C2CD4C: variants seen among roughly 807,000 people sequenced by gnomAD.
The protein encoded by C2CD4C is C2 calcium dependent domain containing 4C, also known as C2 calcium-dependent domain-containing protein 4C.
In C2CD4C, 3 loss-of-function variants were observed where a neutral mutation model predicts 4.1. The ratio of observed to expected loss-of-function variants is 0.73; its 90% CI spans 0.33 to 1.88. The LOEUF is 1.88. Ranked by LOEUF, C2CD4C falls within the 40% of genes most tolerant of loss-of-function variation. The probability of loss-of-function intolerance (pLI) is 0.08; values close to 1 mark genes in which losing one functional copy is unlikely to be tolerated. For missense variants in C2CD4C, 664 were observed against 621.5 expected, an observed-to-expected ratio of 1.07 and a Z score of -0.73; for synonymous variants, 364 against 290.4, an observed-to-expected ratio of 1.25 and a Z score of -2.57.
In C2CD4C at chr19:407,568, G is replaced by T; in HGVS notation, c.794C>A (p.Ala265Glu). 1 of 1,417,984 alleles carries T rather than the reference G, an allele frequency of 7.1e-7. No individual in the cohort carries two copies. Among genetic ancestry groups the T allele is most frequent in the Non-Finnish European group, 9.2e-7 (1 of 1,085,626 alleles). The allele number at this position is 1,417,984 out of a possible 1,614,324, so 87.8% of individuals were successfully genotyped here. ...HSVGRHGSLSADDSTPDASPG... is the reference protein window; with the variant it reads ...HSVGRHGSLSEDDSTPDASPG... ...GCTGGCGTCCGGGGTGCTGTCGTCC[G>T]CAGACAGGGAGCCGTGGCGGCCCAC... The change falls in exon 2 of 2, where the codon GCG becomes GAG. Residue 265 changes from alanine to glutamate, a missense_variant. By Grantham distance (107) the Ala-to-Glu change is moderately radical. Coordinates refer to ENST00000332235, the MANE Select transcript of C2CD4C (RefSeq NM_001136263.2).
chr19:406,850 C>T lies in C2CD4C; in HGVS notation c.*246G>A, dbSNP rs537760763. On this transcript the variant is annotated 3_prime_UTR_variant, in exon 2 of 2. Transcript: ENST00000332235. ...TGGCCCCTTCTCTTCCCCCGAGGCC[C>T]CTCTCCTCCTCCTCCTCCTCCTCCA... 4 of 512,424 alleles carry T rather than the reference C, an allele frequency of 7.8e-6. No individual in the cohort carries two copies. The African/African-American group carries it at 8.3e-5, about 11-fold the overall frequency. 31.7% of individuals were successfully genotyped at this position (512,424 alleles called of 1,614,324 possible).
At position 408,345 on chromosome 19, in the gene C2CD4C, ATGT is replaced by A; in HGVS notation, c.14_16del (p.Asn5del). On this transcript the variant is annotated inframe_deletion, in exon 2 of 2. Coordinates refer to ENST00000332235, the MANE Select transcript of C2CD4C (RefSeq NM_001136263.2). ...CCCCCGAAGCCGCTCCAAGAACCAC[ATGT>A]TGGTTTTTCTCATGGGGGCGGCAGG... The A allele has an allele frequency of 1.3e-6, 2 of 1,547,412 alleles. No individual in the cohort carries two copies.
chr19:407,058 C>T lies in C2CD4C; in HGVS notation c.*38G>A. The T allele has an allele frequency of 6.7e-7, 1 of 1,484,118 alleles. No individual in the cohort carries two copies. The highest frequency in any genetic ancestry group is 9.0e-7 in the Non-Finnish European group (1 of 1,112,340). 91.9% of individuals were successfully genotyped at this position (1,484,118 alleles called of 1,614,324 possible). ...GGTGTGGAGGAGAGACCGGGGTCTG[C>T]CCTCTGCACCCGAGCGGACAGCGAG... is the stretch of plus-strand genomic sequence containing the variant. On this transcript the variant is annotated 3_prime_UTR_variant, in exon 2 of 2. Coordinates refer to ENST00000332235, the MANE Select transcript of C2CD4C (RefSeq NM_001136263.2).
intron 1 of C2CD4C, 75 bp downstream of exon 1, chr19:408,931 C>A: frequency 6.6e-6 from 1 of 152,308 alleles, no homozygotes; most frequent in Non-Finnish European, 1.5e-5. Context: ...CGCCCCCAGC[C>A]CTCCCCGACT....
rs1331864199 is a variant in C2CD4C, at chr19:408,270, T to C, written c.92A>G (p.Lys31Arg). The C allele has an allele frequency of 2.0e-6, 3 of 1,510,880 alleles. No individual in the cohort carries two copies. The highest frequency in any genetic ancestry group is 2.3e-5 in the Admixed American group (1 of 42,704). The allele number at this position is 1,510,880 out of a possible 1,614,324, so 93.6% of individuals were successfully genotyped here. Residue 31 changes from lysine to arginine, a missense_variant, in exon 2 of 2, where the codon AAG becomes AGG. Coordinates refer to ENST00000332235, the MANE Select transcript of C2CD4C (RefSeq NM_001136263.2). The stretch of plus-strand genomic sequence containing the variant: ...GCTGTACAGGGGCCCCTTGGAGGCC[T>C]TGTCCCCCGCCTCACTCCCCACGCC... ...ARGVGSEAGD[K>R]ASKGPLYSNV... is the part of the protein sequence containing the mutation.
rs567895012 is a variant in C2CD4C at position 407,581 on chromosome 19, C to G, written c.781G>C (p.Gly261Arg). ...GTGCTGTCGTCCGCAGACAGGGAGCCGTGGCGGCCCACGGAGTGCCGGAGC... is the reference window on the plus strand; with the variant it reads ...GTGCTGTCGTCCGCAGACAGGGAGCGGTGGCGGCCCACGGAGTGCCGGAGC... ...SQLRHSVGRH[G>R]SLSADDSTPD... Residue 261 changes from glycine (G) to arginine (R), a missense_variant, in exon 2 of 2, where the codon GGC becomes CGC. Physicochemically the swap from Gly to Arg is moderately radical, Grantham distance 125. Coordinates refer to ENST00000332235, the MANE Select transcript of C2CD4C (RefSeq NM_001136263.2). The G allele has an allele frequency of 7.0e-7, 1 of 1,427,656 alleles. No homozygotes were observed. 88.4% of individuals were successfully genotyped at this position (1,427,656 alleles called of 1,614,324 possible). A position where few individuals can be genotyped will look rare whatever the true frequency, so the allele number is the denominator to read the frequency against.
At position 407,057 on chromosome 19, in the gene C2CD4C, G is replaced by A. The variant is rs758361360; in HGVS notation, c.*39C>T. The A allele has an allele frequency of 3.7e-5, 55 of 1,498,374 alleles. No individual in the cohort carries two copies. Among genetic ancestry groups the A allele is most frequent in the East Asian group, 5.0e-5 (2 of 40,148 alleles). 92.8% of individuals were successfully genotyped at this position (1,498,374 alleles called of 1,614,324 possible). The stretch of plus-strand genomic sequence containing the variant: ...CGGTGTGGAGGAGAGACCGGGGTCT[G>A]CCCTCTGCACCCGAGCGGACAGCGA... On this transcript the variant is annotated 3_prime_UTR_variant, in exon 2 of 2. Transcript: ENST00000332235.
Position 406,252 on chromosome 19 carries a change from C to T in C2CD4C, c.*844G>A, listed in dbSNP as rs1343841059. 1 of 152,304 alleles carries T rather than the reference C, an allele frequency of 6.6e-6. No individual in the cohort carries two copies. Among genetic ancestry groups the T allele is most frequent in the Non-Finnish European group, 1.5e-5 (1 of 68,084 alleles). The allele number at this position is 152,304 out of a possible 1,614,324, so 9.4% of individuals were successfully genotyped here. Reference sequence around the variant, plus strand: ...CAAAAGGGCGACGGGGTGGCAGCCCCCAGCGAGGACGGATGGGCCATAGGG... The same window carrying T: ...CAAAAGGGCGACGGGGTGGCAGCCCTCAGCGAGGACGGATGGGCCATAGGG... On this transcript the variant is annotated 3_prime_UTR_variant, in exon 2 of 2. Coordinates refer to ENST00000332235, the MANE Select transcript of C2CD4C (RefSeq NM_001136263.2).
Position 408,106 on chromosome 19 carries a change from T to A in C2CD4C, c.256A>T (p.Thr86Ser), listed in dbSNP as rs1974024469. 11 of 1,481,880 alleles carry A rather than the reference T, an allele frequency of 7.4e-6. No individual in the cohort carries two copies. The highest frequency in any genetic ancestry group is 1.4e-5 in the African/African-American group (1 of 69,724). 91.8% of individuals were successfully genotyped at this position (1,481,880 alleles called of 1,614,324 possible). ...QNLASAAPRQ[T>S]PRSPRLPAKL... is the part of the protein sequence containing the mutation. ...GCAGGCAGCCGGGGGCTCCGTGGGGTCTGGCGGGGGGCCGCAGAGGCCAGG... is the reference window on the plus strand; with the variant it reads ...GCAGGCAGCCGGGGGCTCCGTGGGGACTGGCGGGGGGCCGCAGAGGCCAGG... The change falls in exon 2 of 2, where the codon ACC becomes TCC. Residue 86 changes from threonine (T) to serine (S), a missense_variant. Coordinates refer to ENST00000332235, the MANE Select transcript of C2CD4C (RefSeq NM_001136263.2).
At position 407,620 on chromosome 19, in the gene C2CD4C, C is replaced by T. The variant is rs974978761; in HGVS notation, c.742G>A (p.Ala248Thr). 6 of 1,453,864 alleles carry T rather than the reference C, an allele frequency of 4.1e-6. No individual in the cohort carries two copies. Among genetic ancestry groups the T allele is most frequent in the East Asian group, 2.8e-5 (1 of 36,102 alleles). The allele number at this position is 1,453,864 out of a possible 1,614,324, so 90.1% of individuals were successfully genotyped here. The change falls in exon 2 of 2, where the codon GCC becomes ACC. Residue 248 changes from alanine (A) to threonine (T), a missense_variant. Physicochemically the swap from Ala to Thr is moderately conservative, Grantham distance 58 (BLOSUM62 0). Transcript: ENST00000332235. ...LLKGFAQDSQ[A>T]KVSQLRHSVG... ...GAGTGCCGGAGCTGGCTCACCTTGG[C>T]CTGGCTGTCCTGGGCGAAACCTTTG...
chr19:407,209 C>A lies in C2CD4C; in HGVS notation c.1153G>T (p.Val385Phe). The change falls in exon 2 of 2, where the codon GTC becomes TTC. Residue 385 changes from valine (V) to phenylalanine (F), a missense_variant. By Grantham distance (50) the Val-to-Phe change is conservative. Coordinates refer to ENST00000332235, the MANE Select transcript of C2CD4C (RefSeq NM_001136263.2). ...TTGATCCTGAGGGCCAGTTTCCGGACGCTGGCGGGCCCCAGGCCGTCGAAG... is the reference window on the plus strand; with the variant it reads ...TTGATCCTGAGGGCCAGTTTCCGGAAGCTGGCGGGCCCCAGGCCGTCGAAG... ...FFFDGLGPAS[V>F]RKLALRIKVV... 6.5e-7 allele frequency: 1 copy of A among 1,550,264 alleles called. No homozygotes were observed. Among genetic ancestry groups the A allele is most frequent in the Non-Finnish European group, 8.7e-7 (1 of 1,146,888 alleles).
Position 406,916 on chromosome 19 carries a change from A to G in C2CD4C, c.*180T>C, listed in dbSNP as rs914250950. On this transcript the variant is annotated 3_prime_UTR_variant, in exon 2 of 2. Transcript: ENST00000332235. ...CATGAAAAATAATACTCCAGTCAGC[A>G]TCGGGTGACCCAGGAAACCCTGCGT... 3 of 584,870 alleles carry G rather than the reference A, an allele frequency of 5.1e-6. No homozygotes were observed. Among genetic ancestry groups the G allele is most frequent in the South Asian group, 2.2e-5 (1 of 44,452 alleles). 36.2% of individuals were successfully genotyped at this position (584,870 alleles called of 1,614,324 possible). A position where few individuals can be genotyped will look rare whatever the true frequency, so the allele number is the denominator to read the frequency against.
rs1239625237 is a variant in C2CD4C at position 408,056 on chromosome 19, G to A, written c.306C>T (p.Ser102=). 1 of 1,526,998 alleles carries A rather than the reference G, an allele frequency of 6.5e-7. No individual in the cohort carries two copies. Among genetic ancestry groups the A allele is most frequent in the South Asian group, 1.2e-5 (1 of 81,028 alleles). 94.6% of individuals were successfully genotyped at this position (1,526,998 alleles called of 1,614,324 possible). ...CGTGCCGGGTGGCTGCCTTCAGCAGGCTCTTGCTCTCGGCTGCCAGCTTGG... is the reference window on the plus strand; with the variant it reads ...CGTGCCGGGTGGCTGCCTTCAGCAGACTCTTGCTCTCGGCTGCCAGCTTGG... The part of the protein sequence containing the change: ...LPAKLAAESK[S]LLKAATRHVI... The change falls in exon 2 of 2, where the codon AGC becomes AGT. Residue 102 remains serine, a synonymous_variant. Transcript: ENST00000332235.
Position 407,057 on chromosome 19 carries a change from G to C in C2CD4C, c.*39C>G. 6.7e-7 allele frequency: 1 copy of C among 1,498,492 alleles called. No individual in the cohort carries two copies. Among genetic ancestry groups the C allele is most frequent in the Non-Finnish European group, 8.9e-7 (1 of 1,120,004 alleles). The allele number at this position is 1,498,492 out of a possible 1,614,324, so 92.8% of individuals were successfully genotyped here. ...CGGTGTGGAGGAGAGACCGGGGTCT[G>C]CCCTCTGCACCCGAGCGGACAGCGA... On this transcript the variant is annotated 3_prime_UTR_variant, in exon 2 of 2. Coordinates refer to ENST00000332235, the MANE Select transcript of C2CD4C (RefSeq NM_001136263.2).
Position 407,806 on chromosome 19 carries a change from C to T in C2CD4C, c.556G>A (p.Ala186Thr). The change falls in exon 2 of 2, where the codon GCA (alanine) becomes ACA (threonine). Residue 186 changes from alanine (A) to threonine (T), a missense_variant. Transcript: ENST00000332235. ...VGSPGAGRRR[A>T]AAKANGGDGG... is the part of the protein sequence containing the mutation. The stretch of plus-strand genomic sequence containing the variant: ...TCACCCCCGTTGGCCTTGGCAGCTG[C>T]CCGGCGGCGCCCGGCCCCTGGGGAG... 6.5e-7 allele frequency: 1 copy of T among 1,533,186 alleles called. No homozygotes were observed. The allele number at this position is 1,533,186 out of a possible 1,614,324, so 95.0% of individuals were successfully genotyped here.
rs1161022191 is a variant in C2CD4C at position 407,334 on chromosome 19, T to C, written c.1028A>G (p.Asn343Ser). ...YDRLCDARSI[N>S]CCVGLCLVPG... is the part of the protein sequence containing the mutation. ...CACCAGGCACAGGCCCACGCAGCAG[T>C]TGATGCTGCGGGCGTCGCACAGGCG... Residue 343 changes from asparagine (N) to serine (S), a missense_variant, in exon 2 of 2, where the codon AAC (asparagine) becomes AGC (serine). Coordinates refer to ENST00000332235, the MANE Select transcript of C2CD4C (RefSeq NM_001136263.2). The C allele has an allele frequency of 7.1e-6, 11 of 1,548,456 alleles. No homozygotes were observed. Among genetic ancestry groups the C allele is most frequent in the African/African-American group, 1.4e-5 (1 of 73,024 alleles).
chr19:408,516 G>A (rs903148975), intron 1 of C2CD4C, 115 bp from the exon 2 acceptor site: 20 of 629,120 alleles, frequency 3.2e-5, no homozygotes, highest in South Asian at 3.2e-4. Context: ...GGGGTGGAGG[G>A]GTCCCCTGGG....
At position 406,986 on chromosome 19, in the gene C2CD4C, CCCCGGCCAGCCCCAGCCCAAGCCAGCGGA is replaced by C; in HGVS notation, c.*81_*109del. ...CAGCCCAGCCTGAGTGTGAGCCCCT[CCCCGGCCAGCCCCAGCCCAAGCCAGCGGA>C]CCCGCCCGCCAGCACCCGGTGTGGA... On this transcript the variant is annotated 3_prime_UTR_variant, in exon 2 of 2. Transcript: ENST00000332235. 1 of 646,606 alleles carries C rather than the reference CCCCGGCCAGCCCCAGCCCAAGCCAGCGGA, an allele frequency of 1.5e-6. No individual in the cohort carries two copies. The highest frequency in any genetic ancestry group is 2.5e-6 in the Non-Finnish European group (1 of 405,612). The allele number at this position is 646,606 out of a possible 1,614,324, so 40.1% of individuals were successfully genotyped here.
Position 408,271 on chromosome 19 carries a change from T to C in C2CD4C, c.91A>G (p.Lys31Glu), listed in dbSNP as rs1436109169. The C allele has an allele frequency of 6.6e-7, 1 of 1,511,468 alleles. No homozygotes were observed. Among genetic ancestry groups the C allele is most frequent in the South Asian group, 1.3e-5 (1 of 78,256 alleles). The allele number at this position is 1,511,468 out of a possible 1,614,324, so 93.6% of individuals were successfully genotyped here. The change falls in exon 2 of 2, where the codon AAG (lysine) becomes GAG (glutamate). Residue 31 changes from lysine (K) to glutamate (E), a missense_variant. Lys to Glu is a moderately conservative substitution (Grantham distance 56). Coordinates refer to ENST00000332235, the MANE Select transcript of C2CD4C (RefSeq NM_001136263.2). ...CTGTACAGGGGCCCCTTGGAGGCCT[T>C]GTCCCCCGCCTCACTCCCCACGCCC... is the stretch of plus-strand genomic sequence containing the variant. ...ARGVGSEAGD[K>E]ASKGPLYSNV...
Sources: allele counts gnomAD v4.1 joint callset, GRCh38; gene constraint gnomAD v4.1.1; transcripts MANE v1.5; gene names NCBI Gene and HGNC (gene_info 2026-07-23, HGNC 2026-07-21).